Variants in CADPS observed in about 807,000 individuals in gnomAD.
CADPS encodes the protein calcium-dependent secretion activator 1.
A neutral mutation model predicts 167.3 loss-of-function variants in CADPS; 57 were observed. That is an observed-to-expected ratio of 0.34 (90% CI 0.28 to 0.42). The LOEUF (loss-of-function observed/expected upper bound fraction) is 0.42, where lower values mean the gene tolerates loss of function less well. Among genes scored for constraint, CADPS ranks in the 20% least tolerant of loss-of-function variants. The probability of loss-of-function intolerance (pLI) is 1.00; values close to 1 mark genes in which losing one functional copy is unlikely to be tolerated. For missense variants in CADPS, 1,414 were observed against 1,738.1 expected (o/e 0.81, Z 3.32); for synonymous variants, 676 against 635.3 (o/e 1.06, Z -0.96).
In CADPS at chr3:62,727,780, G is replaced by A. The variant is rs1265575992; in HGVS notation, c.888+25661C>T. Among the ~76,000 whole-genome samples the A allele has an allele frequency of 7.9e-5, 12 of 151,822 alleles. 1 individual carries two copies. The highest frequency in any genetic ancestry group is 2.4e-4 in the African/African-American group (10 of 41,138). ...TGAGAGTTTGTGATTCATCTGATGG[G>A]AATTGGATAAAGGAAATGGAAATTC... On this transcript the variant is annotated intron_variant, in intron 3 of 29. Coordinates refer to ENST00000383710, the MANE Select transcript of CADPS (RefSeq NM_003716.4).
intron 3 of CADPS, among the ~76,000 whole-genome samples, chr3:62,741,770 C>A (rs2080315202): frequency 6.6e-6 from 1 of 151,996 alleles, no homozygotes. Context: ...GAAGTCTTGG[C>A]CAGGGCAATG....
intron 10 of CADPS, among the ~76,000 whole-genome samples, chr3:62,555,078 A>T (rs866292611): frequency 3.3e-5 from 5 of 152,148 alleles, no homozygotes; most frequent in Middle Eastern, 3.2e-3. Flanking sequence ...AAAAATTCTG[A>T]GTTAGACTTT....
intron 19 of CADPS, 94 bp downstream of exon 19, chr3:62,493,551 T>G: frequency 2.0e-5 from 18 of 917,706 alleles, no homozygotes; most frequent in Non-Finnish European, 2.9e-5. Context: ...AGCTCTTCTG[T>G]GATCTATTAG....
At chr3:62,426,206 A>G (rs1052019509) in intron 28 of CADPS, among the ~76,000 whole-genome samples, 6 of 152,290 alleles carry the variant, frequency 3.9e-5, no homozygotes, top group African/African-American at 1.4e-4. Context: ...GCTGGAGTAC[A>G]GTGGCACGAT....
intron 3 of CADPS, among the ~76,000 whole-genome samples, chr3:62,716,072 T>C (rs2084520290): frequency 6.6e-6 from 1 of 151,856 alleles, no homozygotes; most frequent in African/African-American, 2.4e-5. Context: ...AAAACACTTT[T>C]TTTTTGAGAC....
At chr3:62,611,827 T>A (rs183924774) in intron 6 of CADPS, among the ~76,000 whole-genome samples, 16 of 152,322 alleles carry the variant, frequency 1.1e-4, no homozygotes, top group African/African-American at 2.9e-4. Context: ...CGCAGGATGA[T>A]CTAGGAAGGC....
chr3:62,783,110 A>G (rs2091952818), intron 1 of CADPS, among the ~76,000 whole-genome samples: 1 of 152,124 alleles, frequency 6.6e-6, no homozygotes. Flanking sequence ...GAAAATTGTT[A>G]TGGTTCCAAA....
At chr3:62,741,232 C>G (rs974015201) in intron 3 of CADPS, among the ~76,000 whole-genome samples, 3 of 152,118 alleles carry the variant, frequency 2.0e-5, no homozygotes, top group African/African-American at 7.2e-5. Context: ...TGAAACTATT[C>G]CAAAAAATTG....
At chr3:62,801,147 TTAAC>T (rs1391311066) in intron 1 of CADPS, among the ~76,000 whole-genome samples, 2 of 152,258 alleles carry the variant, frequency 1.3e-5, no homozygotes, top group African/African-American at 4.8e-5. Context: ...ACTGAGAGGC[TTAAC>T]TAACAGATAG....
intron 28 of CADPS, among the ~76,000 whole-genome samples, chr3:62,410,267 C>A (rs569365308): frequency 1.3e-5 from 2 of 152,320 alleles, no homozygotes; most frequent in South Asian, 4.1e-4. Context: ...TAGTTGAAAT[C>A]CACTAGGAAC....
chr3:62,784,297 CA>C (rs776274936), intron 1 of CADPS, among the ~76,000 whole-genome samples: 35 of 152,176 alleles, frequency 2.3e-4, no homozygotes, highest in Admixed American at 8.5e-4. Flanking sequence ...GTTAAGGTAC[CA>C]ATACATTATT....
chr3:62,843,454 C>A (rs1453246544), intron 1 of CADPS, among the ~76,000 whole-genome samples: 1 of 150,792 alleles, frequency 6.6e-6, no homozygotes, highest in Non-Finnish European at 1.5e-5. Flanking sequence ...TTACAAAATA[C>A]CCCCAAATAA....
intron 8 of CADPS, among the ~76,000 whole-genome samples, chr3:62,584,910 TC>T (rs776158337): frequency 2.3e-4 from 35 of 152,162 alleles, no homozygotes; most frequent in Admixed American, 6.5e-5. Flanking sequence ...CAAACTAGAA[TC>T]ACCTAGCATG....
chr3:62,426,922 A>C (rs1050731680), intron 28 of CADPS, among the ~76,000 whole-genome samples: 3 of 151,788 alleles, frequency 2.0e-5, no homozygotes, highest in Non-Finnish European at 4.4e-5. Context: ...AAAAAAAAAA[A>C]AAATTAGCTG....
intron 13 of CADPS, among the ~76,000 whole-genome samples, 154 bp downstream of exon 13, chr3:62,532,717 T>TTGTGTGTG (rs10586016): frequency 1.2e-4 from 18 of 148,804 alleles, no homozygotes; most frequent in South Asian, 2.2e-4. Flanking sequence ...TTAGTGCCCT[T>TTGTGTGTG]TGTGTGTGTG....
In CADPS at chr3:62,847,533, G is replaced by C. The variant is rs1223844235; in HGVS notation, c.441+27056C>G. On this transcript the variant is annotated intron_variant, in intron 1 of 29. Transcript: ENST00000383710. Reference sequence around the variant, plus strand: ...TATGAGTGAGAATATGCGGTGTTTGGTTTTTTGTTCTTGCGATAGTTTACT... The same window carrying C: ...TATGAGTGAGAATATGCGGTGTTTGCTTTTTTGTTCTTGCGATAGTTTACT... Among the ~76,000 whole-genome samples the C allele has an allele frequency of 2.8e-3, 185 of 66,722 alleles. 3 individuals are homozygous for C. The highest frequency in any genetic ancestry group is 0.011 in the African/African-American group (180 of 16,364). 43.8% of individuals were successfully genotyped at this position (66,722 alleles called of 152,430 possible). A position where few individuals can be genotyped will look rare whatever the true frequency, so the allele number is the denominator to read the frequency against.
In CADPS at chr3:62,475,598, A is replaced by C. The variant is rs59886021; in HGVS notation, c.3330-1278T>G. 3.3e-3 allele frequency among the ~76,000 whole-genome samples: 487 copies of C among 148,846 alleles called. 20 individuals are homozygous for C. In the East Asian group the frequency reaches 0.079, roughly 24 times the overall value. ...CCAGTTCTTAAGAAAAAAAAAAAAA[A>C]AAAAAAAAAAAAAACACCTAAAAAT... On this transcript the variant is annotated intron_variant, in intron 23 of 29. Transcript: ENST00000383710.
At chr3:62,660,661 C>T (rs906291967) in intron 4 of CADPS, among the ~76,000 whole-genome samples, 8 of 152,258 alleles carry the variant, frequency 5.3e-5, no homozygotes, top group African/African-American at 9.6e-5. Context: ...AAAAGCTCTA[C>T]CCTGTGCCCA....
At chr3:62,655,873 G>A (rs554435537) in intron 4 of CADPS, among the ~76,000 whole-genome samples, 8 of 152,228 alleles carry the variant, frequency 5.3e-5, no homozygotes, top group East Asian at 1.9e-4. Context: ...AAAACCAGCC[G>A]AGAGGTGATG....
Sources: gnomAD v4.1 joint callset for allele counts (sites outside exome capture counted in the v4.1 genomes callset) on GRCh38, gnomAD v4.1.1 for gene constraint, MANE v1.5 for transcripts, NCBI Gene and HGNC (gene_info 2026-07-23, HGNC 2026-07-21) for gene names.